Variants in CRPPA observed in about 807,000 individuals in gnomAD.
CRPPA encodes D-ribitol-5-phosphate cytidylyltransferase.
A neutral mutation model predicts 52.0 loss-of-function variants in CRPPA; 43 were observed. That is an observed-to-expected ratio of 0.83 (90% CI 0.65 to 1.07). CRPPA has a LOEUF of 1.07. Among genes scored for constraint, CRPPA ranks in the 50% least tolerant of loss-of-function variants. The pLI, the probability that CRPPA is intolerant of heterozygous loss-of-function variation, is 0.00. For synonymous variants in CRPPA, 250 were observed against 203.5 expected, an observed-to-expected ratio of 1.23 and a Z score of -1.94; for missense variants, 629 against 551.7, an observed-to-expected ratio of 1.14 and a Z score of -1.40.
intron 8 of CRPPA, among the ~76,000 whole-genome samples, chr7:16,252,877 G>A (rs1282635920): frequency 6.6e-6 from 1 of 152,106 alleles, no homozygotes; most frequent in Non-Finnish European, 1.5e-5. Context: ...TTCTAGTTTT[G>A]TAGTTTATTT....
chr7:16,149,593 G>T (rs1401096533), intron 9 of CRPPA, among the ~76,000 whole-genome samples: 2 of 152,140 alleles, frequency 1.3e-5, no homozygotes, highest in Non-Finnish European at 2.9e-5. Context: ...TATATTTAAA[G>T]AGATATTATG....
At chr7:16,320,177 G>A (rs1039714056) in intron 3 of CRPPA, among the ~76,000 whole-genome samples, 5 of 152,028 alleles carry the variant, frequency 3.3e-5, no homozygotes, top group Non-Finnish European at 7.4e-5. Context: ...AGCAAAATTA[G>A]GTAACTGCTC....
chr7:16,140,498 T>G (rs138607903), intron 9 of CRPPA, among the ~76,000 whole-genome samples: 2 of 152,214 alleles, frequency 1.3e-5, no homozygotes, highest in African/African-American at 4.8e-5. Flanking sequence ...TATGGCGGTA[T>G]ATGCTTTAGT....
At chr7:16,384,740 C>T (rs1787208131) in intron 2 of CRPPA, among the ~76,000 whole-genome samples, 1 of 152,102 alleles carries the variant, frequency 6.6e-6, no homozygotes. Context: ...AATAGGCCAA[C>T]CAAGTCATAA....
chr7:16,155,753 G>C (rs2128380318), intron 9 of CRPPA, among the ~76,000 whole-genome samples: 1 of 152,262 alleles, frequency 6.6e-6, no homozygotes. Flanking sequence ...AAGTTTTGGG[G>C]GAGTCCAAAA....
At chr7:16,225,027 C>G (rs1006226910) in intron 8 of CRPPA, among the ~76,000 whole-genome samples, 4 of 151,804 alleles carry the variant, frequency 2.6e-5, no homozygotes, top group African/African-American at 9.7e-5. Flanking sequence ...AAAATACAGG[C>G]AAAACTAAAT....
At chr7:16,295,869 A>T (rs1385998819) in intron 5 of CRPPA, among the ~76,000 whole-genome samples, 2 of 152,118 alleles carry the variant, frequency 1.3e-5, no homozygotes, top group Admixed American at 1.3e-4. Flanking sequence ...GGATATTTAC[A>T]AACTTATCAG....
At chr7:16,352,538 T>C (rs1786183481) in intron 3 of CRPPA, among the ~76,000 whole-genome samples, 1 of 152,036 alleles carries the variant, frequency 6.6e-6, no homozygotes, top group Admixed American at 6.6e-5. Flanking sequence ...GAAATGCAAA[T>C]TCAAACCATA....
intron 3 of CRPPA, among the ~76,000 whole-genome samples, chr7:16,361,794 A>T (rs1456941587): frequency 1.3e-5 from 2 of 152,172 alleles, no homozygotes; most frequent in Admixed American, 6.6e-5. Context: ...ATGTCACTGA[A>T]CCACACGCTT....
chr7:16,387,009 A>C (rs1237212896), intron 2 of CRPPA, among the ~76,000 whole-genome samples: 1 of 145,552 alleles, frequency 6.9e-6, no homozygotes, highest in African/African-American at 2.5e-5. Flanking sequence ...GATAGAGACT[A>C]TCTCAAAAAT....
chr7:16,397,377 T>C lies in CRPPA; in HGVS notation c.534+8684A>G, dbSNP rs191734800. ...AGGTGACTGACGTGTGTAACACGTG[T>C]GACATATGACAGATGTGACAACTGA... On this transcript the variant is annotated intron_variant, in intron 2 of 9. Transcript: ENST00000407010. Among the ~76,000 whole-genome samples, 379 of 152,126 alleles carry C rather than the reference T, an allele frequency of 2.5e-3. 4 individuals carry two copies. The highest frequency in any genetic ancestry group is 8.6e-3 in the African/African-American group (357 of 41,524).
intron 9 of CRPPA, among the ~76,000 whole-genome samples, chr7:16,195,738 T>A (rs1781716286): frequency 6.6e-6 from 1 of 152,136 alleles, no homozygotes; most frequent in East Asian, 1.9e-4. Flanking sequence ...CCAAGTGCCC[T>A]CTCACCCCTG....
chr7:16,337,305 G>C (rs1785708485), intron 3 of CRPPA, among the ~76,000 whole-genome samples: 1 of 152,060 alleles, frequency 6.6e-6, no homozygotes, highest in Non-Finnish European at 1.5e-5. Flanking sequence ...GTCAGTAACA[G>C]TTGAAATCAT....
At chr7:16,216,503 T>C in intron 8 of CRPPA, 1 of 257,022 alleles carries the variant, frequency 3.9e-6, no homozygotes, top group East Asian at 1.2e-4. Context: ...AGAAGACGGG[T>C]GATTTCTGCA....
intron 3 of CRPPA, among the ~76,000 whole-genome samples, chr7:16,344,788 GAT>G (rs1337068703): frequency 1.3e-5 from 2 of 151,464 alleles, no homozygotes; most frequent in African/African-American, 4.9e-5. Flanking sequence ...CACACCTGAA[GAT>G]ATGTTAACTG....
At chr7:16,374,917 C>A (rs927550446) in intron 3 of CRPPA, among the ~76,000 whole-genome samples, 18 of 152,170 alleles carry the variant, frequency 1.2e-4, no homozygotes, top group Admixed American at 8.5e-4. Flanking sequence ...CCCTTCTATT[C>A]TTAGATCAAT....
At chr7:16,226,825 T>C (rs1426029745) in intron 8 of CRPPA, among the ~76,000 whole-genome samples, 1 of 151,920 alleles carries the variant, frequency 6.6e-6, no homozygotes, top group East Asian at 1.9e-4. Context: ...ATATTTTATA[T>C]CCTCTCAGAG....
chr7:16,276,354 A>G (rs1784203936), intron 6 of CRPPA, among the ~76,000 whole-genome samples: 2 of 152,232 alleles, frequency 1.3e-5, no homozygotes, highest in Non-Finnish European at 2.9e-5. Context: ...TATAATTAAG[A>G]AAACTGTAGT....
chr7:16,217,721 C>G (rs1296791766), intron 8 of CRPPA, among the ~76,000 whole-genome samples: 2 of 138,388 alleles, frequency 1.4e-5, no homozygotes, highest in Non-Finnish European at 3.1e-5. Context: ...TGAAATGAAG[C>G]GAGAAGGGAA....
Sources: allele counts gnomAD v4.1 joint callset (sites outside exome capture counted in the v4.1 genomes callset), GRCh38; gene constraint gnomAD v4.1.1; transcripts MANE v1.5; gene names NCBI Gene and HGNC (gene_info 2026-07-23, HGNC 2026-07-21).